The following ESR1 variants were observed in gnomAD, a reference collection of about 807,000 sequenced individuals.
The protein encoded by ESR1 is estrogen receptor 1.
In ESR1, 12 loss-of-function variants were observed where a neutral mutation model predicts 52.7. That is an observed-to-expected ratio of 0.23 (90% confidence interval 0.15 to 0.37). The LOEUF (loss-of-function observed/expected upper bound fraction) is 0.37, where lower values mean the gene tolerates loss of function less well. ESR1 is among the 10% of genes least tolerant of loss of function. The probability of loss-of-function intolerance (pLI) is 1.00; values close to 1 mark genes in which losing one functional copy is unlikely to be tolerated. For missense variants in ESR1, 584 were observed against 779.7 expected (o/e 0.75, Z 2.99); for synonymous variants, 305 against 316.8 (o/e 0.96, Z 0.39).
intron 2 of ESR1, among the ~76,000 whole-genome samples, chr6:151,788,806 C>T (rs1443082308): frequency 6.6e-6 from 1 of 152,146 alleles, no homozygotes; most frequent in African/African-American, 2.4e-5. Flanking sequence ...TTTTCAGGAA[C>T]ATGGAAGGAG....
rs139862934 is a variant in ESR1 at position 151,880,336 on chromosome 6, C to T, written c.644-319C>T. Reference sequence around the variant, plus strand: ...TAGCTGGGATTACAGGTGTACACCACCATACCCAGGTTTTTTTTGTATTTT... The same window carrying T: ...TAGCTGGGATTACAGGTGTACACCATCATACCCAGGTTTTTTTTGTATTTT... On this transcript the variant is annotated intron_variant, in intron 2 of 7. Transcript: ENST00000206249. Among the ~76,000 whole-genome samples the T allele has an allele frequency of 4.9e-4, 75 of 151,874 alleles. 1 individual carries two copies. The highest frequency in any genetic ancestry group is 1.7e-3 in the African/African-American group (69 of 41,452).
At chr6:151,657,723 G>A (rs779414279) in intron 1 of ESR1, among the ~76,000 whole-genome samples, 6 of 152,146 alleles carry the variant, frequency 3.9e-5, no homozygotes, top group Admixed American at 6.5e-5. Context: ...AGAGTAGATG[G>A]ACTGCAAATG....
rs528787303 is a variant in ESR1, at chr6:152,100,021, A to G, written c.*1055A>G. On this transcript the variant is annotated 3_prime_UTR_variant, in exon 8 of 8. Coordinates refer to ENST00000206249, the MANE Select transcript of ESR1 (RefSeq NM_000125.4). ...TGTGCAGGATTGTTGTGGCTACTAG[A>G]GAACAAGAGGGAAAGTAGGGCAGAA... 3.5e-5 allele frequency: 14 copies of G among 398,792 alleles called. 1 individual carries two copies. In the South Asian group the frequency reaches 1.8e-3, roughly 51 times the overall value. 24.7% of individuals were successfully genotyped at this position (398,792 alleles called of 1,614,324 possible).
chr6:151,874,591 G>T (rs2128316839), intron 2 of ESR1, among the ~76,000 whole-genome samples: 1 of 152,294 alleles, frequency 6.6e-6, no homozygotes, highest in Admixed American at 6.5e-5. Flanking sequence ...GCAAATATTT[G>T]TAGTATCTTA....
intron 2 of ESR1, among the ~76,000 whole-genome samples, chr6:151,780,832 G>C (rs564337927): frequency 6.8e-6 from 1 of 147,296 alleles, no homozygotes; most frequent in South Asian, 2.1e-4. Flanking sequence ...TCCTGAAACT[G>C]TTTTTGTCAC....
chr6:151,941,109 A>T (rs2128513707), intron 3 of ESR1, among the ~76,000 whole-genome samples: 1 of 152,298 alleles, frequency 6.6e-6, no homozygotes, highest in South Asian at 2.1e-4. Flanking sequence ...ATTATTTTTA[A>T]AGTACTTTAT....
chr6:151,784,190 G>A (rs953634516), intron 2 of ESR1, among the ~76,000 whole-genome samples: 2 of 152,138 alleles, frequency 1.3e-5, no homozygotes, highest in Non-Finnish European at 2.9e-5. Context: ...GGAGTGGGGA[G>A]CTATGCTTCC....
intron 6 of ESR1, among the ~76,000 whole-genome samples, chr6:152,119,188 T>C (rs1246634091): frequency 6.6e-6 from 1 of 152,212 alleles, no homozygotes; most frequent in Admixed American, 6.5e-5. Context: ...TATAATGTCT[T>C]AATATTTGGC....
chr6:151,872,146 G>A (rs532030859), intron 2 of ESR1, among the ~76,000 whole-genome samples: 286 of 152,304 alleles, frequency 1.9e-3, no homozygotes, highest in Middle Eastern at 0.01. Context: ...GTTGGAAGTG[G>A]AACATGGTCT....
At chr6:151,705,096 A>G (rs1337280121) in intron 2 of ESR1, among the ~76,000 whole-genome samples, 1 of 152,116 alleles carries the variant, frequency 6.6e-6, no homozygotes, top group African/African-American at 2.4e-5. Flanking sequence ...TGTGCGAGAT[A>G]TGGGGACTCT....
rs1182882285 is a variant in ESR1, at chr6:152,061,733, G to GT, written c.1369+615dup. On this transcript the variant is annotated intron_variant, in intron 6 of 7. Transcript: ENST00000206249. This position sits in a 1 kb window ranked among gnomAD's most constrained non-coding sequence, Gnocchi z 4.3. ...GAAAGCTTAGCTAAGAGCAACATCT[G>GT]TTTTTTGTTTTTGTTTTTGTTTTTG... Among the ~76,000 whole-genome samples, 2 of 152,080 alleles carry GT rather than the reference G, an allele frequency of 1.3e-5. No individual in the cohort carries two copies. Among genetic ancestry groups the GT allele is most frequent in the African/African-American group, 4.8e-5 (2 of 41,400 alleles).
chr6:151,712,675 G>A (rs1422743277), intron 2 of ESR1, among the ~76,000 whole-genome samples: 1 of 152,118 alleles, frequency 6.6e-6, no homozygotes, highest in East Asian at 1.9e-4. Context: ...TGTGATTTTT[G>A]CACATTGATT....
At chr6:151,770,150 C>A (rs761996268) in intron 2 of ESR1, among the ~76,000 whole-genome samples, 4 of 152,118 alleles carry the variant, frequency 2.6e-5, no homozygotes, top group Non-Finnish European at 5.9e-5. Flanking sequence ...TTTGCCTCAG[C>A]AACCAACTCA....
intron 1 of ESR1, among the ~76,000 whole-genome samples, chr6:151,826,817 A>T (rs1384515527): frequency 6.6e-6 from 1 of 152,208 alleles, no homozygotes; most frequent in Non-Finnish European, 1.5e-5. Flanking sequence ...TGAACTATTG[A>T]TCTATTTGTC....
chr6:151,934,557 T>G (rs1346874571), intron 3 of ESR1, among the ~76,000 whole-genome samples: 2 of 152,204 alleles, frequency 1.3e-5, no homozygotes, highest in African/African-American at 4.8e-5. Flanking sequence ...CTCAACCAGT[T>G]GTAGTACCTT....
At chr6:151,945,648 T>C (rs2035616702) in intron 4 of ESR1, among the ~76,000 whole-genome samples, 1 of 152,192 alleles carries the variant, frequency 6.6e-6, no homozygotes, top group Non-Finnish European at 1.5e-5. Context: ...ATAGATTTAG[T>C]TGGAGGTTTT....
chr6:151,875,867 A>T (rs1450183927), intron 2 of ESR1, among the ~76,000 whole-genome samples: 5 of 152,170 alleles, frequency 3.3e-5, no homozygotes, highest in Non-Finnish European at 2.9e-5. Flanking sequence ...CTGTGAAGGC[A>T]TTGCATTTAG....
At chr6:152,065,269 G>T (rs79161514) in intron 6 of ESR1, among the ~76,000 whole-genome samples, 1 of 152,164 alleles carries the variant, frequency 6.6e-6, no homozygotes, top group Admixed American at 6.5e-5. Flanking sequence ...ATAATTGATT[G>T]TGATTGGGAC....
intron 1 of ESR1, among the ~76,000 whole-genome samples, chr6:151,696,446 T>G (rs1386778558): frequency 2.0e-5 from 3 of 151,268 alleles, no homozygotes; most frequent in Non-Finnish European, 4.4e-5. Flanking sequence ...CACTCCAGCC[T>G]GGGAGACATA....
Sources: allele counts gnomAD v4.1 joint callset (sites outside exome capture counted in the v4.1 genomes callset), GRCh38; gene constraint gnomAD v4.1.1; non-coding constraint Gnocchi (gnomAD v3.1); transcripts MANE v1.5; gene names NCBI Gene and HGNC (gene_info 2026-07-23, HGNC 2026-07-21).